HSPA4L: variants seen among roughly 807,000 people sequenced by gnomAD.
HSPA4L encodes heat shock 70 kDa protein 4L.
A neutral mutation model predicts 100.3 loss-of-function variants in HSPA4L; 48 were observed. That is an observed-to-expected ratio of 0.48 (90% confidence interval 0.38 to 0.61). The LOEUF (loss-of-function observed/expected upper bound fraction) is 0.61, where lower values mean the gene tolerates loss of function less well. Ranked by LOEUF, HSPA4L falls within the 20% of genes least tolerant of loss-of-function variation. The probability of loss-of-function intolerance (pLI) is 0.00; values close to 1 mark genes in which losing one functional copy is unlikely to be tolerated. For synonymous variants in HSPA4L, 319 were observed against 328.2 expected, an observed-to-expected ratio of 0.97 and a Z score of 0.30; for missense variants, 886 against 988.6, an observed-to-expected ratio of 0.90 and a Z score of 1.39.
intron 11 of HSPA4L, among the ~76,000 whole-genome samples, chr4:127,811,140 T>TGC (rs1311507651): frequency 6.6e-6 from 1 of 151,716 alleles, no homozygotes; most frequent in Non-Finnish European, 1.5e-5. Flanking sequence ...GATAACTTAC[T>TGC]GCCTTTGAAT....
At chr4:127,825,204 T>C (rs904062040) in intron 16 of HSPA4L, among the ~76,000 whole-genome samples, 1 of 152,082 alleles carries the variant, frequency 6.6e-6, no homozygotes, top group Non-Finnish European at 1.5e-5. Context: ...CTTCTTAGTA[T>C]GGATCATAGC....
intron 1 of HSPA4L, among the ~76,000 whole-genome samples, chr4:127,790,711 A>G (rs1370646361): frequency 6.6e-6 from 1 of 152,190 alleles, no homozygotes; most frequent in Non-Finnish European, 1.5e-5. Flanking sequence ...TTTCTTAGAA[A>G]ATTTTCTGTC....
At chr4:127,831,467 C>T (rs570927690) in intron 18 of HSPA4L, among the ~76,000 whole-genome samples, 4 of 142,462 alleles carry the variant, frequency 2.8e-5, no homozygotes, top group East Asian at 2.0e-4. Context: ...TGCCACTGCA[C>T]GCCAGCTGGG....
intron 16 of HSPA4L, among the ~76,000 whole-genome samples, chr4:127,825,471 T>G (rs947136499): frequency 9.9e-5 from 15 of 152,148 alleles, no homozygotes; most frequent in South Asian, 2.1e-4. Context: ...CAAAAGAAGT[T>G]ACTCAACTTA....
rs1480595099 is a variant in HSPA4L, at chr4:127,827,389, C to A, written c.2131C>A (p.Leu711Ile). The A allele has an allele frequency of 6.2e-7, 1 of 1,613,670 alleles. No homozygotes were observed. Among genetic ancestry groups the A allele is most frequent in the Non-Finnish European group, 8.5e-7 (1 of 1,179,694 alleles). ...AAATGACTTGGGAAAAAAGATCCAACTTGTCATGAAAGTGATAGAAGCTTA... is the reference window on the plus strand; with the variant it reads ...AAATGACTTGGGAAAAAAGATCCAAATTGTCATGAAAGTGATAGAAGCTTA... Reference protein sequence around the residue: ...ALNDLGKKIQLVMKVIEAYRN... With the variant: ...ALNDLGKKIQIVMKVIEAYRN... The change falls in exon 17 of 19, where the codon CTT (leucine) becomes ATT (isoleucine). Residue 711 changes from leucine to isoleucine, a missense_variant. By Grantham distance (5) the Leu-to-Ile change is conservative. Transcript: ENST00000296464.
chr4:127,829,636 G>A (rs1450942371), intron 17 of HSPA4L, among the ~76,000 whole-genome samples: 1 of 152,064 alleles, frequency 6.6e-6, no homozygotes, highest in African/African-American at 2.4e-5. Flanking sequence ...GTTTCCATTT[G>A]CTGAGATGAG....
chr4:127,788,446 A>C (rs1732778752), intron 1 of HSPA4L, among the ~76,000 whole-genome samples: 1 of 152,164 alleles, frequency 6.6e-6, no homozygotes, highest in South Asian at 2.1e-4. Context: ...ATTTTTTCCA[A>C]ATAATTTGAG....
intron 18 of HSPA4L, among the ~76,000 whole-genome samples, chr4:127,831,547 A>G (rs750305982): frequency 5.3e-5 from 8 of 150,960 alleles, no homozygotes; most frequent in African/African-American, 9.7e-5. Context: ...ATATCTGTCA[A>G]TAGGAAACTA....
At chr4:127,801,986 G>A in intron 6 of HSPA4L, 68 bp downstream of exon 6, 1 of 1,301,110 alleles carries the variant, frequency 7.7e-7, no homozygotes, top group Admixed American at 2.4e-5. Context: ...CGTAATAGCT[G>A]GGTTCGAATC....
chr4:127,792,132 T>A (rs983950996), intron 1 of HSPA4L, among the ~76,000 whole-genome samples: 1 of 152,202 alleles, frequency 6.6e-6, no homozygotes, highest in African/African-American at 2.4e-5. Context: ...TATGTATCAG[T>A]ATGTAGGGTC....
At chr4:127,811,873 G>T (rs1733541247) in intron 12 of HSPA4L, among the ~76,000 whole-genome samples, 2 of 152,120 alleles carry the variant, frequency 1.3e-5, no homozygotes, top group Non-Finnish European at 2.9e-5. Context: ...ATCTTTCATA[G>T]TATTACATGG....
In HSPA4L at chr4:127,801,158, T is replaced by G; in HGVS notation, c.450T>G (p.Asp150Glu). The change falls in exon 5 of 19, where the codon GAT becomes GAG. Residue 150 changes from aspartate to glutamate, a missense_variant. By Grantham distance (45) the Asp-to-Glu change is conservative. Transcript: ENST00000296464. ...ACTAGATTCCTAGCTTTTTTACTGATGCCGAGAGAAGATCTGTGATGGCTG... is the reference window on the plus strand; with the variant it reads ...ACTAGATTCCTAGCTTTTTTACTGAGGCCGAGAGAAGATCTGTGATGGCTG... ...CVISIPSFFT[D>E]AERRSVMAAA... is the part of the protein sequence containing the mutation. The G allele has an allele frequency of 6.2e-7, 1 of 1,612,506 alleles. No individual in the cohort carries two copies. The highest frequency in any genetic ancestry group is 1.3e-5 in the African/African-American group (1 of 74,922).
In HSPA4L at chr4:127,832,966, T is replaced by TGTG; in HGVS notation, c.*92_*93insGTG. On this transcript the variant is annotated 3_prime_UTR_variant, in exon 19 of 19. Transcript: ENST00000296464. ...GGTACACACAACAGACGCTCAGTTGTTCTTAACCACTTTTGTCATTTGTTT... is the reference window on the plus strand; with the variant it reads ...GGTACACACAACAGACGCTCAGTTGTGTGTCTTAACCACTTTTGTCATTTGTTT... 1.1e-6 allele frequency: 1 copy of TGTG among 891,582 alleles called. No individual in the cohort carries two copies. Among genetic ancestry groups the TGTG allele is most frequent in the Non-Finnish European group, 1.6e-6 (1 of 611,916 alleles). 55.2% of individuals were successfully genotyped at this position (891,582 alleles called of 1,614,324 possible).
chr4:127,815,458 G>A (rs1225725034), intron 12 of HSPA4L, among the ~76,000 whole-genome samples: 2 of 151,422 alleles, frequency 1.3e-5, no homozygotes, highest in African/African-American at 4.9e-5. Context: ...CGCTGGGGCT[G>A]GAGTTTGAGT....
Position 127,801,784 on chromosome 4 carries a change from GT to G in HSPA4L, c.531del (p.Ala178HisfsTer14), listed in dbSNP as rs1173996956. 6.3e-7 allele frequency: 1 copy of G among 1,597,992 alleles called. No individual in the cohort carries two copies. The highest frequency in any genetic ancestry group is 8.5e-7 in the Non-Finnish European group (1 of 1,174,204). ...TAACATAATTCTTTGTTCTTATACA[GT>G]TGCACTGGCGTATGGAATTTATAAA... Reference protein sequence around the residue: ...CLRLMNETTAVALAYGIYKQD... With the variant: ...CLRLMNETTAXALAYGIYKQD... On this transcript the variant is annotated frameshift_variant and splice_region_variant, in exon 6 of 19. Transcript: ENST00000296464. LOFTEE classifies it high-confidence loss of function.
intron 4 of HSPA4L, 146 bp downstream of exon 4, chr4:127,798,855 C>T: frequency 1.5e-6 from 1 of 682,322 alleles, no homozygotes; most frequent in Non-Finnish European, 2.3e-6. Flanking sequence ...AAAAAAACTG[C>T]CTTATTTGCT....
intron 1 of HSPA4L, among the ~76,000 whole-genome samples, chr4:127,793,618 A>G (rs866328068): frequency 6.6e-6 from 1 of 152,204 alleles, no homozygotes; most frequent in Admixed American, 6.5e-5. Flanking sequence ...ACCTATATCC[A>G]TTCTCTTAAT....
intron 14 of HSPA4L, among the ~76,000 whole-genome samples, chr4:127,822,516 GGT>G (rs1447513438): frequency 6.6e-6 from 1 of 152,020 alleles, no homozygotes; most frequent in East Asian, 1.9e-4. Context: ...ATTTTTTGTG[GGT>G]GTATCTAGGA....
At chr4:127,817,682 G>T (rs1287705565) in intron 12 of HSPA4L, among the ~76,000 whole-genome samples, 1 of 151,906 alleles carries the variant, frequency 6.6e-6, no homozygotes, top group Non-Finnish European at 1.5e-5. Context: ...GATTAATTTT[G>T]ATTAATTTAT....
Sources: allele counts gnomAD v4.1 joint callset (sites outside exome capture counted in the v4.1 genomes callset), GRCh38; gene constraint gnomAD v4.1.1; transcripts MANE v1.5; gene names NCBI Gene and HGNC (gene_info 2026-07-23, HGNC 2026-07-21).